ZBTB40: variants seen among roughly 807,000 people sequenced by gnomAD.
ZBTB40 encodes the protein zinc finger and BTB domain containing 40.
A neutral mutation model predicts 117.5 loss-of-function variants in ZBTB40; 60 were observed. The ratio of observed to expected loss-of-function variants is 0.51; its 90% CI spans 0.41 to 0.63. ZBTB40 has a LOEUF of 0.63. Among genes scored for constraint, ZBTB40 ranks in the 30% least tolerant of loss-of-function variants. The pLI, the probability that ZBTB40 is intolerant of heterozygous loss-of-function variation, is 0.00. For missense variants in ZBTB40, 1,287 were observed against 1,498.5 expected (o/e 0.86, Z 2.33); for synonymous variants, 525 against 577.1 (o/e 0.91, Z 1.29).
At chr1:22,474,566 G>C (rs550900163) in intron 1 of ZBTB40, among the ~76,000 whole-genome samples, 1 of 152,270 alleles carries the variant, frequency 6.6e-6, no homozygotes, top group South Asian at 2.1e-4. Context: ...ATCTTTTTGT[G>C]TGTAGCAAAC....
At chr1:22,429,160 A>T (rs908055747) in intron 1 of ZBTB40, among the ~76,000 whole-genome samples, 2 of 152,270 alleles carry the variant, frequency 1.3e-5, no homozygotes, top group African/African-American at 4.8e-5. Context: ...AGGCTGGCGG[A>T]TCACAAGGTC....
intron 1 of ZBTB40, among the ~76,000 whole-genome samples, chr1:22,468,241 A>G (rs1569790429): frequency 6.6e-6 from 1 of 152,120 alleles, no homozygotes; most frequent in African/African-American, 2.4e-5. Context: ...TGATATGCCC[A>G]AGGTCACCGA....
intron 6 of ZBTB40, 110 bp from the exon 7 acceptor site, chr1:22,507,891 C>T (rs1018890556): frequency 5.9e-5 from 90 of 1,533,760 alleles, no homozygotes; most frequent in Non-Finnish European, 7.8e-5. Flanking sequence ...GCAGAGGACA[C>T]TGAGCCCTTG....
chr1:22,431,281 T>TTG (rs1640580031), intron 1 of ZBTB40, among the ~76,000 whole-genome samples: 1 of 148,002 alleles, frequency 6.8e-6, no homozygotes, highest in Non-Finnish European at 1.5e-5. Flanking sequence ...ATATACAATA[T>TTG]TGTATATATT....
chr1:22,504,675 A>G (rs991576386), intron 5 of ZBTB40, among the ~76,000 whole-genome samples: 13 of 152,248 alleles, frequency 8.5e-5, no homozygotes, highest in Admixed American at 1.3e-4. Context: ...TATGAACAGC[A>G]CCTTCATTTT....
chr1:22,474,960 G>T (rs1267003), intron 1 of ZBTB40, among the ~76,000 whole-genome samples: 3 of 118,208 alleles, frequency 2.5e-5, no homozygotes, highest in African/African-American at 8.9e-5. Flanking sequence ...AAAAAAAACA[G>T]GTAAGCTTGC....
intron 6 of ZBTB40, among the ~76,000 whole-genome samples, chr1:22,507,438 G>T (rs1335233016): frequency 1.3e-5 from 2 of 152,204 alleles, no homozygotes; most frequent in African/African-American, 4.8e-5. Flanking sequence ...ATTTCCAGAA[G>T]TGGAGTTACT....
intron 13 of ZBTB40, among the ~76,000 whole-genome samples, chr1:22,518,148 C>T (rs528518204): frequency 4.8e-4 from 73 of 152,352 alleles, no homozygotes; most frequent in Non-Finnish European, 9.3e-4. Flanking sequence ...ATCACATTTT[C>T]TTCAGCCTCT....
At chr1:22,437,612 G>C (rs535958570) in intron 1 of ZBTB40, among the ~76,000 whole-genome samples, 1 of 151,700 alleles carries the variant, frequency 6.6e-6, no homozygotes, top group Non-Finnish European at 1.5e-5. Context: ...TAGAAACGGG[G>C]TTTTACCCGA....
chr1:22,457,734 G>A (rs1402210847), intron 1 of ZBTB40, among the ~76,000 whole-genome samples: 1 of 152,184 alleles, frequency 6.6e-6, no homozygotes, highest in Non-Finnish European at 1.5e-5. Flanking sequence ...GTTATTTTTA[G>A]CATAAAAACA....
intron 1 of ZBTB40, among the ~76,000 whole-genome samples, chr1:22,468,273 G>T (rs1641306106): frequency 1.3e-5 from 2 of 151,948 alleles, no homozygotes; most frequent in South Asian, 4.1e-4. Flanking sequence ...AGTTAGTTCT[G>T]CCAAATCCGA....
upstream of ZBTB40, among the ~76,000 whole-genome samples, chr1:22,449,888 T>C (rs1640835460): frequency 6.6e-6 from 1 of 152,178 alleles, no homozygotes; most frequent in Non-Finnish European, 1.5e-5. Flanking sequence ...TGCATTCACA[T>C]ACAGCACATT....
intron 6 of ZBTB40, among the ~76,000 whole-genome samples, chr1:22,507,043 T>C (rs1639092900): frequency 6.6e-6 from 1 of 152,190 alleles, no homozygotes; most frequent in Non-Finnish European, 1.5e-5. Context: ...GCTGTGTAGT[T>C]TTCCATCATA....
At chr1:22,479,239 G>A (rs1311433282) in intron 1 of ZBTB40, among the ~76,000 whole-genome samples, 1 of 152,182 alleles carries the variant, frequency 6.6e-6, no homozygotes, top group Non-Finnish European at 1.5e-5. Context: ...AACATTTGGT[G>A]TTATCAGTCT....
chr1:22,511,456 A>G, intron 10 of ZBTB40, 109 bp downstream of exon 10: 1 of 1,451,508 alleles, frequency 6.9e-7, no homozygotes, highest in African/African-American at 1.4e-5. Context: ...TAAGTTACGT[A>G]TTCATTTTAT....
At chr1:22,469,002 T>C (rs1006107320) in intron 1 of ZBTB40, among the ~76,000 whole-genome samples, 1 of 151,870 alleles carries the variant, frequency 6.6e-6, no homozygotes, top group East Asian at 1.9e-4. Flanking sequence ...AATTTTTTGG[T>C]ATTTTTTTTA....
At chr1:22,483,109 G>A (rs956661676) in intron 1 of ZBTB40, among the ~76,000 whole-genome samples, 1 of 151,396 alleles carries the variant, frequency 6.6e-6, no homozygotes, top group African/African-American at 2.4e-5. Flanking sequence ...ATGCATTTAA[G>A]TTTCCTCCCT....
chr1:22,512,854 A>G, intron 11 of ZBTB40, 70 bp from the exon 12 acceptor site: 1 of 1,559,560 alleles, frequency 6.4e-7, no homozygotes, highest in Non-Finnish European at 8.8e-7. Flanking sequence ...TGCTCTTGGT[A>G]TCCTGTGCTA....
At position 22,506,617 on chromosome 1, in the gene ZBTB40, C is replaced by G. The variant is rs61769197; in HGVS notation, c.1360+376C>G. Among the ~76,000 whole-genome samples, 777 of 152,272 alleles carry G rather than the reference C, an allele frequency of 5.1e-3. 4 individuals are homozygous for G. The highest frequency in any genetic ancestry group is 0.011 in the South Asian group (52 of 4,824). ...GCCTCAAATCTCCATTGCCCCATTT[C>G]CACTAGAGTGCTGTTTGCTTCCAGC... is the stretch of plus-strand genomic sequence containing the variant. On this transcript the variant is annotated intron_variant, in intron 6 of 17. Coordinates refer to ENST00000375647, the MANE Select transcript of ZBTB40 (RefSeq NM_014870.4).
Sources: gnomAD v4.1 joint callset for allele counts (sites outside exome capture counted in the v4.1 genomes callset) on GRCh38, gnomAD v4.1.1 for gene constraint, MANE v1.5 for transcripts, NCBI Gene and HGNC (gene_info 2026-07-23, HGNC 2026-07-21) for gene names.